Variants in GK5 observed in about 807,000 individuals in gnomAD.
GK5 encodes glycerol kinase 5.
GK5 carries 39 observed loss-of-function variants against 77.3 expected under a neutral mutation model. That is an observed-to-expected ratio of 0.50 (90% CI 0.39 to 0.66). The LOEUF is 0.66. Among genes scored for constraint, GK5 ranks in the 30% least tolerant of loss-of-function variants. GK5 has a pLI of 0.00. For missense variants in GK5, 487 were observed against 633.8 expected, an observed-to-expected ratio of 0.77 and a Z score of 2.49; for synonymous variants, 211 against 208.0, an observed-to-expected ratio of 1.01 and a Z score of -0.13.
At chr3:142,190,090 A>G (rs2063827645) in intron 5 of GK5, among the ~76,000 whole-genome samples, 1 of 152,228 alleles carries the variant, frequency 6.6e-6, no homozygotes, top group Non-Finnish European at 1.5e-5. Context: ...TTATATGGGA[A>G]AAAATAAAAA....
intron 15 of GK5, among the ~76,000 whole-genome samples, chr3:142,166,303 T>C (rs565042492): frequency 5.9e-5 from 9 of 152,316 alleles, no homozygotes; most frequent in African/African-American, 2.2e-4. Flanking sequence ...TTTTCTTTTT[T>C]ATGCAATTAC....
At chr3:142,185,716 T>C in intron 9 of GK5, 1 of 1,505,228 alleles carries the variant, frequency 6.6e-7, no homozygotes. Context: ...ATAAAGTACT[T>C]CCATGATAGA....
intron 12 of GK5, among the ~76,000 whole-genome samples, chr3:142,176,931 G>A (rs1265243428): frequency 6.6e-6 from 1 of 152,122 alleles, no homozygotes; most frequent in East Asian, 1.9e-4. Context: ...AAAGTGCTGG[G>A]ATTATAGGCG....
chr3:142,197,274 C>A (rs1195861617), intron 5 of GK5, among the ~76,000 whole-genome samples: 1 of 152,018 alleles, frequency 6.6e-6, no homozygotes, highest in African/African-American at 2.4e-5. Flanking sequence ...CAATTCTGTC[C>A]ATTTTTGCTT....
At chr3:142,186,604 C>A in intron 6 of GK5, 91 bp from the exon 7 acceptor site, 2 of 472,268 alleles carry the variant, frequency 4.2e-6, no homozygotes, top group Non-Finnish European at 7.5e-6. Flanking sequence ...TGTCTACCCT[C>A]AAATTCATTC....
intron 9 of GK5, 106 bp from the exon 10 acceptor site, chr3:142,183,155 C>T: frequency 9.8e-7 from 1 of 1,015,986 alleles, no homozygotes; most frequent in Non-Finnish European, 1.4e-6. Context: ...ATCTTCGTTT[C>T]TTTTTCCTTT....
In GK5 at chr3:142,159,853, C is replaced by CTCTCTCTTTTTTTTTT. The variant is rs1553825247; in HGVS notation, c.*5768_*5769insAAAAAAAAAAGAGAGA. On this transcript the variant is annotated 3_prime_UTR_variant, in exon 16 of 16. Coordinates refer to ENST00000392993, the MANE Select transcript of GK5 (RefSeq NM_001039547.3). ...TTTCTCTCTCTCTCTCTCTCTCTCT[C>CTCTCTCTTTTTTTTTT]TTTTTTTTTTTTGAGACAGAGTCTC... 7.1e-4 allele frequency: 75 copies of CTCTCTCTTTTTTTTTT among 106,110 alleles called. No homozygotes were observed. The highest frequency in any genetic ancestry group is 1.1e-3 in the Non-Finnish European group (58 of 53,058). The allele number at this position is 106,110 out of a possible 1,614,324, so 6.6% of individuals were successfully genotyped here. A position where few individuals can be genotyped will look rare whatever the true frequency, so the allele number is the denominator to read the frequency against.
chr3:142,192,561 C>T (rs1263245478), intron 5 of GK5, among the ~76,000 whole-genome samples: 4 of 151,978 alleles, frequency 2.6e-5, no homozygotes, highest in East Asian at 3.9e-4. Context: ...GTCGGGAGGT[C>T]GAGAGCAGCC....
chr3:142,173,511 C>T (rs977345630), intron 12 of GK5, among the ~76,000 whole-genome samples: 1 of 151,876 alleles, frequency 6.6e-6, no homozygotes, highest in African/African-American at 2.4e-5. Context: ...GGTGAAACCC[C>T]GTCTCTACTA....
At position 142,168,874 on chromosome 3, in the gene GK5, T is replaced by A. The variant is rs947395029; in HGVS notation, c.1441+1451A>T. Reference sequence around the variant, plus strand: ...GCTCTCACCATAACAGTACTTCCCATCATTGATGAATGCCTTTGCACAAGT... The same window carrying A: ...GCTCTCACCATAACAGTACTTCCCAACATTGATGAATGCCTTTGCACAAGT... On this transcript the variant is annotated intron_variant, in intron 15 of 15. Coordinates refer to ENST00000392993, the MANE Select transcript of GK5 (RefSeq NM_001039547.3). 2.0e-5 allele frequency among the ~76,000 whole-genome samples: 3 copies of A among 152,168 alleles called. No individual in the cohort carries two copies. The East Asian group carries it at 5.8e-4, about 29-fold the overall frequency.
chr3:142,184,279 A>AAAAG (rs2063737648), intron 9 of GK5, among the ~76,000 whole-genome samples: 1 of 149,240 alleles, frequency 6.7e-6, no homozygotes, highest in South Asian at 2.1e-4. Context: ...AAAAAAAAAA[A>AAAAG]AAAAAAAGAA....
chr3:142,208,945 C>T (rs762169725), intron 3 of GK5, among the ~76,000 whole-genome samples: 8 of 152,130 alleles, frequency 5.3e-5, no homozygotes, highest in Non-Finnish European at 1.0e-4. Flanking sequence ...GTCAGGAAAT[C>T]GAGACCATCC....
At chr3:142,182,366 A>G (rs891965565) in intron 10 of GK5, among the ~76,000 whole-genome samples, 5 of 149,370 alleles carry the variant, frequency 3.3e-5, no homozygotes, top group African/African-American at 1.3e-4. Flanking sequence ...TTTTTTGGAG[A>G]CAGAGTCTCA....
chr3:142,177,508 A>C lies in GK5; in HGVS notation c.1117T>G (p.Phe373Val). ...TGTAATCCACTAAAAGATGGAACAA[A>C]ACAAACTCCTTCAGAATCCTCCAAA... is the stretch of plus-strand genomic sequence containing the variant. ...KSLEDSEGVC[F>V]VPSFSGLQAP... Residue 373 changes from phenylalanine to valine, a missense_variant, in exon 12 of 16, where the codon TTT becomes GTT. Transcript: ENST00000392993. 6.2e-7 allele frequency: 1 copy of C among 1,611,074 alleles called. No individual in the cohort carries two copies. The highest frequency in any genetic ancestry group is 1.1e-5 in the South Asian group (1 of 90,954).
At chr3:142,195,681 A>G (rs2063924556) in intron 5 of GK5, among the ~76,000 whole-genome samples, 1 of 152,156 alleles carries the variant, frequency 6.6e-6, no homozygotes, top group South Asian at 2.1e-4. Flanking sequence ...TTGTATTCAT[A>G]AGGAATATTG....
At chr3:142,210,385 C>T (rs1464758432) in intron 3 of GK5, among the ~76,000 whole-genome samples, 1 of 152,100 alleles carries the variant, frequency 6.6e-6, no homozygotes, top group South Asian at 2.1e-4. Context: ...GTGCTTCTGG[C>T]TGGCCCTGTG....
At chr3:142,190,219 A>G (rs974246934) in intron 5 of GK5, among the ~76,000 whole-genome samples, 12 of 152,202 alleles carry the variant, frequency 7.9e-5, no homozygotes, top group Non-Finnish European at 7.3e-5. Context: ...AAGCACAGAG[A>G]GACAAAAGGA....
chr3:142,195,767 A>C (rs1051476788), intron 5 of GK5, among the ~76,000 whole-genome samples: 2 of 152,224 alleles, frequency 1.3e-5, no homozygotes, highest in African/African-American at 4.8e-5. Context: ...AGAGCTGGGA[A>C]GTATCTCTCA....
At chr3:142,186,416 A>T in intron 7 of GK5, 36 bp downstream of exon 7, 1 of 1,208,262 alleles carries the variant, frequency 8.3e-7, no homozygotes, top group Non-Finnish European at 1.2e-6. Context: ...TTACACAAAA[A>T]TGTGTGATTC....
Sources: gnomAD v4.1 joint callset for allele counts (sites outside exome capture counted in the v4.1 genomes callset) on GRCh38, gnomAD v4.1.1 for gene constraint, MANE v1.5 for transcripts, NCBI Gene and HGNC (gene_info 2026-07-23, HGNC 2026-07-21) for gene names.